The following LRRC4C variants were observed in gnomAD, a reference collection of about 807,000 sequenced individuals.
LRRC4C encodes leucine rich repeat containing 4C, also known as leucine-rich repeat-containing protein 4C.
In LRRC4C, 5 loss-of-function variants were observed where a neutral mutation model predicts 33.6. The ratio of observed to expected loss-of-function variants is 0.15; its 90% CI spans 0.08 to 0.31. The LOEUF (loss-of-function observed/expected upper bound fraction) is 0.31, where lower values mean the gene tolerates loss of function less well. LRRC4C is among the 10% of genes least tolerant of loss of function. The pLI is 1.00. For synonymous variants in LRRC4C, 329 were observed against 302.0 expected, an observed-to-expected ratio of 1.09 and a Z score of -0.93; for missense variants, 560 against 796.7, an observed-to-expected ratio of 0.70 and a Z score of 3.58.
chr11:41,383,109 A>G, intron 1 of LRRC4C, among the ~76,000 whole-genome samples: 1 of 152,086 alleles, frequency 6.6e-6, no homozygotes, highest in East Asian at 1.9e-4. Flanking sequence ...CACAGCCTCT[A>G]TAAGCTGGCC....
intron 2 of LRRC4C, among the ~76,000 whole-genome samples, chr11:40,815,953 A>T (rs1477493885): frequency 6.6e-6 from 1 of 152,218 alleles, no homozygotes; most frequent in Non-Finnish European, 1.5e-5. Flanking sequence ...CTATACATGT[A>T]GTCAAAATTA....
intron 1 of LRRC4C, among the ~76,000 whole-genome samples, chr11:40,977,760 C>G (rs1277179500): frequency 6.6e-6 from 1 of 152,142 alleles, no homozygotes; most frequent in African/African-American, 2.4e-5. Flanking sequence ...GCAACTCAAT[C>G]ATTACTCCCT....
chr11:40,989,461 G>A (rs1853341637), intron 1 of LRRC4C, among the ~76,000 whole-genome samples: 2 of 152,124 alleles, frequency 1.3e-5, no homozygotes, highest in African/African-American at 4.8e-5. Flanking sequence ...GCTAGGCTGG[G>A]AGTCAAAGCC....
At chr11:41,195,401 T>C (rs1383488679) in intron 1 of LRRC4C, among the ~76,000 whole-genome samples, 2 of 152,066 alleles carry the variant, frequency 1.3e-5, no homozygotes, top group Non-Finnish European at 2.9e-5. Context: ...AACAAAATTA[T>C]TAACAGTGCA....
At chr11:40,500,551 T>C (rs886163104) in intron 3 of LRRC4C, among the ~76,000 whole-genome samples, 1 of 151,836 alleles carries the variant, frequency 6.6e-6, no homozygotes, top group Non-Finnish European at 1.5e-5. Context: ...ACGTTTAACA[T>C]GGTGGCAGCA....
At chr11:40,704,398 C>T (rs1185242901) in intron 2 of LRRC4C, among the ~76,000 whole-genome samples, 2 of 152,120 alleles carry the variant, frequency 1.3e-5, no homozygotes, top group Non-Finnish European at 2.9e-5. Context: ...CATTCTTCCT[C>T]CAGCTCACAA....
chr11:40,300,461 A>C (rs754106580), intron 4 of LRRC4C, among the ~76,000 whole-genome samples: 2 of 152,238 alleles, frequency 1.3e-5, no homozygotes, highest in Non-Finnish European at 2.9e-5. Context: ...TTAAAGCTTA[A>C]CTAACTTACA....
intron 3 of LRRC4C, among the ~76,000 whole-genome samples, chr11:40,451,588 T>A (rs973498668): frequency 2.6e-5 from 4 of 151,812 alleles, no homozygotes; most frequent in Non-Finnish European, 5.9e-5. Flanking sequence ...GGTTTCACTA[T>A]GTTGGCCAGG....
At chr11:41,036,818 T>G (rs2137907105) in intron 1 of LRRC4C, among the ~76,000 whole-genome samples, 1 of 152,312 alleles carries the variant, frequency 6.6e-6, no homozygotes, top group South Asian at 2.1e-4. Context: ...TTAAATAAAT[T>G]TATGACTAGA....
intron 1 of LRRC4C, among the ~76,000 whole-genome samples, chr11:41,196,164 C>G (rs1368278967): frequency 1.3e-5 from 2 of 152,118 alleles, no homozygotes; most frequent in South Asian, 2.1e-4. Flanking sequence ...GCACCTCATC[C>G]TGAAGTTTAC....
At chr11:40,509,654 T>C (rs892763577) in intron 3 of LRRC4C, among the ~76,000 whole-genome samples, 8 of 152,190 alleles carry the variant, frequency 5.3e-5, no homozygotes, top group Non-Finnish European at 7.3e-5. Context: ...TACAATTTTC[T>C]GATTTCTGTT....
chr11:41,082,303 T>C (rs574990094), intron 1 of LRRC4C, among the ~76,000 whole-genome samples: 4 of 152,264 alleles, frequency 2.6e-5, no homozygotes, highest in African/African-American at 9.6e-5. Flanking sequence ...AAATACGCAG[T>C]TGCAAAAGCA....
intron 3 of LRRC4C, among the ~76,000 whole-genome samples, chr11:40,617,899 G>A (rs912521880): frequency 6.6e-6 from 1 of 151,568 alleles, no homozygotes; most frequent in Admixed American, 6.6e-5. Context: ...AACTTACTGA[G>A]GAAGCAAGAG....
intron 6 of LRRC4C, among the ~76,000 whole-genome samples, chr11:40,127,832 G>T (rs1157701931): frequency 1.3e-5 from 2 of 152,098 alleles, no homozygotes; most frequent in Non-Finnish European, 2.9e-5. Context: ...GAAAATATCA[G>T]GGTACACAAA....
intron 1 of LRRC4C, among the ~76,000 whole-genome samples, chr11:41,073,702 G>C (rs1175697539): frequency 6.6e-6 from 1 of 152,174 alleles, no homozygotes; most frequent in Non-Finnish European, 1.5e-5. Context: ...TTGGTTCTCA[G>C]TTCAATGGGT....
intron 1 of LRRC4C, among the ~76,000 whole-genome samples, chr11:41,154,380 TGGC>T (rs1196155331): frequency 6.6e-6 from 1 of 152,180 alleles, no homozygotes; most frequent in Non-Finnish European, 1.5e-5. Context: ...AATTTCATTA[TGGC>T]CTTTATCATT....
chr11:40,642,732 G>A (rs1427752354), intron 3 of LRRC4C, among the ~76,000 whole-genome samples: 1 of 152,028 alleles, frequency 6.6e-6, no homozygotes, highest in Admixed American at 6.6e-5. Flanking sequence ...TTATTTGCAA[G>A]CTCCGACTAT....
chr11:41,281,779 A>G (rs1949684938), intron 1 of LRRC4C, among the ~76,000 whole-genome samples: 1 of 152,228 alleles, frequency 6.6e-6, no homozygotes, highest in Non-Finnish European at 1.5e-5. Flanking sequence ...GGCAAGGTAC[A>G]TTAAGCCACT....
At chr11:41,243,118 T>C (rs1402736368) in intron 1 of LRRC4C, among the ~76,000 whole-genome samples, 1 of 152,208 alleles carries the variant, frequency 6.6e-6, no homozygotes, top group Admixed American at 6.5e-5. Flanking sequence ...TGCTTAGCTA[T>C]GTTTCTTAAG....
Sources: allele counts gnomAD v4.1 joint callset (sites outside exome capture counted in the v4.1 genomes callset), GRCh38; gene constraint gnomAD v4.1.1; transcripts MANE v1.5; gene names NCBI Gene and HGNC (gene_info 2026-07-23, HGNC 2026-07-21).